The following KIAA0232 variants were observed in gnomAD, a reference collection of about 807,000 sequenced individuals.
KIAA0232 encodes uncharacterized protein KIAA0232.
KIAA0232 carries 27 observed loss-of-function variants against 122.0 expected under a neutral mutation model. The observed-to-expected ratio is 0.22, with a 90% CI of 0.16 to 0.31. KIAA0232 has a LOEUF of 0.31. KIAA0232 is among the 10% of genes least tolerant of loss of function. The pLI is 1.00. For synonymous variants in KIAA0232, 613 were observed against 587.6 expected (o/e 1.04, Z -0.63); for missense variants, 1,551 against 1,634.2 (o/e 0.95, Z 0.88).
intron 2 of KIAA0232, among the ~76,000 whole-genome samples, chr4:6,809,501 T>C (rs1450071189): frequency 6.6e-6 from 1 of 152,186 alleles, no homozygotes; most frequent in Non-Finnish European, 1.5e-5. Flanking sequence ...GATGAGTGAT[T>C]ACCCTGATCA....
chr4:6,800,207 G>A (rs188370062), intron 1 of KIAA0232, among the ~76,000 whole-genome samples: 194 of 149,060 alleles, frequency 1.3e-3, no homozygotes, highest in African/African-American at 4.3e-3. Flanking sequence ...ACAGGTGCCC[G>A]CCACCATGCT....
chr4:6,789,990 C>A (rs932609889), intron 1 of KIAA0232, among the ~76,000 whole-genome samples: 1 of 151,974 alleles, frequency 6.6e-6, no homozygotes, highest in Non-Finnish European at 1.5e-5. Flanking sequence ...GATTGCACCA[C>A]TGGACTCCAG....
intron 8 of KIAA0232, among the ~76,000 whole-genome samples, chr4:6,872,320 CG>C (rs1721537824): frequency 6.6e-6 from 1 of 152,018 alleles, no homozygotes. Context: ...GCAATCAAAG[CG>C]GGGACAGAGA....
At chr4:6,812,323 G>C (rs1717916364) in intron 2 of KIAA0232, among the ~76,000 whole-genome samples, 1 of 152,180 alleles carries the variant, frequency 6.6e-6, no homozygotes, top group Non-Finnish European at 1.5e-5. Context: ...TTGAACTGTA[G>C]CTGGTGTGAC....
chr4:6,813,315 G>T (rs891003905), intron 2 of KIAA0232, among the ~76,000 whole-genome samples: 1 of 150,702 alleles, frequency 6.6e-6, no homozygotes, highest in African/African-American at 2.4e-5. Flanking sequence ...TTCTTGGAAA[G>T]TATTTACTTA....
Position 6,882,517 on chromosome 4 carries a change from G to GTC in KIAA0232, c.*1553_*1554dup, listed in dbSNP as rs1722126144. ...ATCAAAGACTGTGGAGTCATTGAGGGTCTGTGTGTCCTCACCGAGAGGGAC... is the reference window on the plus strand; with the variant it reads ...ATCAAAGACTGTGGAGTCATTGAGGGTCTCTGTGTGTCCTCACCGAGAGGGAC... On this transcript the variant is annotated 3_prime_UTR_variant, in exon 10 of 10. Coordinates refer to ENST00000307659, the MANE Select transcript of KIAA0232 (RefSeq NM_014743.3). 6.6e-6 allele frequency: 1 copy of GTC among 152,104 alleles called. No individual in the cohort carries two copies. Among genetic ancestry groups the GTC allele is most frequent in the South Asian group, 2.1e-4 (1 of 4,812 alleles). The allele number at this position is 152,104 out of a possible 1,614,324, so 9.4% of individuals were successfully genotyped here. A position where few individuals can be genotyped will look rare whatever the true frequency, so the allele number is the denominator to read the frequency against.
chr4:6,843,785 G>T (rs1719790998), intron 4 of KIAA0232, among the ~76,000 whole-genome samples: 1 of 151,856 alleles, frequency 6.6e-6, no homozygotes, highest in Non-Finnish European at 1.5e-5. Context: ...AATAAAAAAA[G>T]AATTGTCTCT....
chr4:6,841,552 A>G (rs1024098427), intron 3 of KIAA0232, among the ~76,000 whole-genome samples: 2 of 152,202 alleles, frequency 1.3e-5, no homozygotes, highest in Non-Finnish European at 2.9e-5. Context: ...AAATACATAA[A>G]CTTTTTTTAT....
intron 1 of KIAA0232, among the ~76,000 whole-genome samples, chr4:6,801,628 G>A (rs1285029115): frequency 6.6e-6 from 1 of 151,436 alleles, no homozygotes; most frequent in African/African-American, 2.4e-5. Context: ...AAGCTGCAGC[G>A]AACTATGATT....
At chr4:6,814,366 C>T (rs1718020433) in intron 2 of KIAA0232, among the ~76,000 whole-genome samples, 1 of 150,716 alleles carries the variant, frequency 6.6e-6, no homozygotes, top group Non-Finnish European at 1.5e-5. Flanking sequence ...TGAAGATGAT[C>T]TCATAGTTGG....
chr4:6,866,106 A>G (rs1560206760), intron 7 of KIAA0232: 7 of 383,700 alleles, frequency 1.8e-5, no homozygotes, highest in African/African-American at 1.3e-4. Context: ...ACCCAATAAT[A>G]TTGTTAGCCT....
At position 6,864,126 on chromosome 4, in the gene KIAA0232, A is replaced by G; in HGVS notation, c.3744A>G (p.Ala1248=). The G allele has an allele frequency of 6.2e-7, 1 of 1,614,156 alleles. No homozygotes were observed. Among genetic ancestry groups the G allele is most frequent in the Non-Finnish European group, 8.5e-7 (1 of 1,180,008 alleles). The part of the protein sequence containing the change: ...EEINNFCGCK[A]GCQFPAYEDN... ...TTAATAATTTTTGTGGTTGCAAAGC[A>G]GGTTGTCAGTTTCCTGCTTATGAAG... The change falls in exon 7 of 10, where the codon GCA becomes GCG. Residue 1248 remains alanine (A), a synonymous_variant. Transcript: ENST00000307659.
intron 1 of KIAA0232, among the ~76,000 whole-genome samples, chr4:6,789,944 G>A (rs369840857): frequency 1.3e-5 from 2 of 151,634 alleles, no homozygotes; most frequent in Non-Finnish European, 2.9e-5. Flanking sequence ...CAGGAGGATC[G>A]CTTGAGCCCA....
In KIAA0232 at chr4:6,813,472, A is replaced by C. The variant is rs879490678; in HGVS notation, c.-270+8866A>C. ...CTGCCTCCCAGGTTCACGCCATTCT[A>C]CTGCCTCAGCCTCCCGAGTAGCTGG... is the stretch of plus-strand genomic sequence containing the variant. On this transcript the variant is annotated intron_variant, in intron 2 of 9. Coordinates refer to ENST00000307659, the MANE Select transcript of KIAA0232 (RefSeq NM_014743.3). Among the ~76,000 whole-genome samples, 20 of 151,130 alleles carry C rather than the reference A, an allele frequency of 1.3e-4. No homozygotes were observed. The East Asian group carries it at 1.4e-3, about 10-fold the overall frequency.
chr4:6,866,266 A>G (rs2108813231), intron 7 of KIAA0232: 1 of 976,890 alleles, frequency 1.0e-6, no homozygotes, highest in Non-Finnish European at 1.2e-6. Context: ...GCTTTCTAGT[A>G]TGTTGATGTA....
chr4:6,807,221 A>G (rs1185843069), intron 2 of KIAA0232, among the ~76,000 whole-genome samples: 3 of 152,216 alleles, frequency 2.0e-5, no homozygotes, highest in African/African-American at 4.8e-5. Flanking sequence ...TCTTTTAAAC[A>G]TAAAGATCAA....
chr4:6,803,048 G>A (rs1431451270), intron 1 of KIAA0232, among the ~76,000 whole-genome samples: 16 of 150,240 alleles, frequency 1.1e-4, no homozygotes, highest in Non-Finnish European at 2.4e-4. Flanking sequence ...GGTTTGGTGG[G>A]TGCATGCTTG....
At chr4:6,850,114 G>C (rs1178187396) in intron 4 of KIAA0232, among the ~76,000 whole-genome samples, 1 of 152,220 alleles carries the variant, frequency 6.6e-6, no homozygotes, top group South Asian at 2.1e-4. Flanking sequence ...AGAAGTGGAA[G>C]GGGCTGCTGT....
At chr4:6,857,302 T>C in intron 5 of KIAA0232, 72 bp downstream of exon 5, 1 of 1,338,674 alleles carries the variant, frequency 7.5e-7, no homozygotes, top group Admixed American at 2.1e-5. Flanking sequence ...GGGAAAATCT[T>C]AGAATTGATC....
Sources: gnomAD v4.1 joint callset for allele counts (sites outside exome capture counted in the v4.1 genomes callset) on GRCh38, gnomAD v4.1.1 for gene constraint, MANE v1.5 for transcripts, NCBI Gene and HGNC (gene_info 2026-07-23, HGNC 2026-07-21) for gene names.